NFIA: variants seen among roughly 807,000 people sequenced by gnomAD.
NFIA encodes the protein nuclear factor I A.
In NFIA, 8 loss-of-function variants were observed where a neutral mutation model predicts 62.8. The observed-to-expected ratio is 0.13, with a 90% confidence interval of 0.07 to 0.23. NFIA has a LOEUF of 0.23. NFIA is among the 10% of genes least tolerant of loss of function. The pLI is 1.00. For synonymous variants in NFIA, 235 were observed against 238.1 expected, an observed-to-expected ratio of 0.99 and a Z score of 0.12; for missense variants, 410 against 642.1, an observed-to-expected ratio of 0.64 and a Z score of 3.91.
intron 2 of NFIA, among the ~76,000 whole-genome samples, chr1:61,139,646 G>A (rs1246812325): frequency 6.6e-6 from 1 of 152,102 alleles, no homozygotes; most frequent in Non-Finnish European, 1.5e-5. Flanking sequence ...CTGCTGTGGT[G>A]GCATTGTTCA....
intron 7 of NFIA, among the ~76,000 whole-genome samples, chr1:61,396,304 G>A (rs1211028888): frequency 6.6e-6 from 1 of 152,120 alleles, no homozygotes; most frequent in Non-Finnish European, 1.5e-5. Context: ...AGAGTGCAGT[G>A]GTGTGATCAT....
intron 2 of NFIA, among the ~76,000 whole-genome samples, chr1:61,269,723 C>G (rs1657394414): frequency 6.6e-6 from 1 of 152,214 alleles, no homozygotes; most frequent in Non-Finnish European, 1.5e-5. Context: ...GAGCAACAGA[C>G]TGTGAGCACA....
Position 61,090,837 on chromosome 1 carries a change from A to G in NFIA, c.559+2157A>G, listed in dbSNP as rs543217110. On this transcript the variant is annotated intron_variant, in intron 2 of 10. Coordinates refer to ENST00000403491, the MANE Select transcript of NFIA (RefSeq NM_001134673.4). Reference sequence around the variant, plus strand: ...TCTGTGCGCGCAACAGGAAGACTGTAAAAGAAAATATTAAGGGTCTTTTGT... The same window carrying G: ...TCTGTGCGCGCAACAGGAAGACTGTGAAAGAAAATATTAAGGGTCTTTTGT... 4.6e-5 allele frequency among the ~76,000 whole-genome samples: 7 copies of G among 152,332 alleles called. 1 individual carries two copies. The South Asian group carries it at 1.0e-3, about 23-fold the overall frequency.
In NFIA at chr1:61,222,768, A is replaced by G. The variant is rs1287017610; in HGVS notation, c.560-54752A>G. On this transcript the variant is annotated intron_variant, in intron 2 of 10. Transcript: ENST00000403491. ...GACAGAATTCAACCTTCATATATGT[A>G]AGATATGTATATCTCCAGTGAGCTC... Among the ~76,000 whole-genome samples the G allele has an allele frequency of 3.3e-5, 5 of 152,188 alleles. No individual in the cohort carries two copies. In the South Asian group the frequency reaches 8.3e-4, roughly 25 times the overall value.
chr1:61,278,493 A>G (rs1657944333), intron 3 of NFIA, among the ~76,000 whole-genome samples: 1 of 152,198 alleles, frequency 6.6e-6, no homozygotes, highest in Admixed American at 6.5e-5. Context: ...ATTGTGATTA[A>G]AAGCTCAGGC....
chr1:61,283,581 C>CAAAAA (rs576613886), intron 3 of NFIA, among the ~76,000 whole-genome samples: 3 of 36,690 alleles, frequency 8.2e-5, no homozygotes, highest in Admixed American at 8.7e-4. Context: ...GACTCTGTCT[C>CAAAAA]AAAAAAAAAA....
At chr1:61,389,070 C>A (rs1664840422) in intron 7 of NFIA, among the ~76,000 whole-genome samples, 1 of 152,024 alleles carries the variant, frequency 6.6e-6, no homozygotes, top group African/African-American at 2.4e-5. Flanking sequence ...GCTATGACGG[C>A]ACTCCAGCCT....
chr1:61,453,806 C>CT (rs894179020), intron 10 of NFIA, among the ~76,000 whole-genome samples: 64 of 152,296 alleles, frequency 4.2e-4, no homozygotes, highest in African/African-American at 1.4e-3. Flanking sequence ...TCTCCTTTCT[C>CT]TCCCCCTCTT....
chr1:61,187,000 A>G (rs917313240), intron 2 of NFIA, among the ~76,000 whole-genome samples: 34 of 152,204 alleles, frequency 2.2e-4, no homozygotes, highest in African/African-American at 7.2e-4. Context: ...TGCTTTCATA[A>G]TACATGGAAG....
chr1:61,258,673 A>C (rs1195490473), intron 2 of NFIA, among the ~76,000 whole-genome samples: 2 of 152,206 alleles, frequency 1.3e-5, no homozygotes, highest in Non-Finnish European at 2.9e-5. Context: ...GATTCACATT[A>C]AACAGAACTT....
chr1:61,170,962 T>C (rs922202655), intron 2 of NFIA, among the ~76,000 whole-genome samples: 2 of 152,234 alleles, frequency 1.3e-5, no homozygotes, highest in Non-Finnish European at 2.9e-5. Flanking sequence ...AGAAAGTTTA[T>C]AGAGAATAAT....
At chr1:61,261,421 A>T (rs1267540148) in intron 2 of NFIA, among the ~76,000 whole-genome samples, 1 of 152,212 alleles carries the variant, frequency 6.6e-6, no homozygotes, top group Admixed American at 6.5e-5. Context: ...AATATAAAAG[A>T]GGCTGTGTGT....
intron 2 of NFIA, among the ~76,000 whole-genome samples, chr1:61,168,124 G>T (rs1395869320): frequency 6.6e-6 from 1 of 152,072 alleles, no homozygotes; most frequent in Admixed American, 6.6e-5. Context: ...GCCAAGTTTA[G>T]CACATATATT....
chr1:61,101,145 C>T lies in NFIA; in HGVS notation c.559+12465C>T, dbSNP rs926161659. Among the ~76,000 whole-genome samples, 8 of 152,096 alleles carry T rather than the reference C, an allele frequency of 5.3e-5. No homozygotes were observed. The East Asian group carries it at 9.7e-4, about 18-fold the overall frequency. On this transcript the variant is annotated intron_variant, in intron 2 of 10. Transcript: ENST00000403491. ...GCACAGTGGCTCATGCCTGTAATCC[C>T]GGCACTTTGGGAGGCTGAGGCAGGC...
chr1:61,268,564 T>G (rs571929977), intron 2 of NFIA, among the ~76,000 whole-genome samples: 2 of 152,302 alleles, frequency 1.3e-5, no homozygotes, highest in African/African-American at 4.8e-5. Context: ...AACCTTACTT[T>G]TAGACAGTTG....
chr1:61,220,681 G>T (rs1653962139), intron 2 of NFIA, among the ~76,000 whole-genome samples: 1 of 152,130 alleles, frequency 6.6e-6, no homozygotes, highest in Non-Finnish European at 1.5e-5. Flanking sequence ...TCTTGGTTTG[G>T]CAAGTTAGGC....
intron 3 of NFIA, among the ~76,000 whole-genome samples, chr1:61,310,759 C>T (rs558833793): frequency 1.3e-5 from 2 of 151,004 alleles, no homozygotes; most frequent in Non-Finnish European, 2.9e-5. Context: ...CCTGCTTCTC[C>T]CTCTTTTCCT....
chr1:61,251,603 T>G (rs1376756033), intron 2 of NFIA, among the ~76,000 whole-genome samples: 1 of 152,174 alleles, frequency 6.6e-6, no homozygotes, highest in Non-Finnish European at 1.5e-5. Context: ...AAAAGATTGA[T>G]CTTAAGTACA....
intron 5 of NFIA, among the ~76,000 whole-genome samples, chr1:61,358,367 T>TTTTC (rs1388549790): frequency 0.027 from 3,117 of 117,120 alleles, 318 homozygotes; most frequent in African/African-American, 0.046. Context: ...TTTTCTTTTC[T>TTTTC]TTTCTTTCTT....
Sources: gnomAD v4.1 joint callset for allele counts (sites outside exome capture counted in the v4.1 genomes callset) on GRCh38, gnomAD v4.1.1 for gene constraint, MANE v1.5 for transcripts, NCBI Gene and HGNC (gene_info 2026-07-23, HGNC 2026-07-21) for gene names.